The following HACD2 variants were observed in gnomAD, a reference collection of about 807,000 sequenced individuals.
The protein encoded by HACD2 is 3-hydroxyacyl-CoA dehydratase 2, also known as very-long-chain (3R)-3-hydroxyacyl-CoA dehydratase 2.
Under a neutral mutation model 31.0 loss-of-function variants are expected in HACD2, and 15 were observed. That is an observed-to-expected ratio of 0.48 (90% CI 0.32 to 0.75). HACD2 has a LOEUF of 0.75. Among genes scored for constraint, HACD2 ranks in the 30% least tolerant of loss-of-function variants. HACD2 has a pLI of 0.03. For missense variants in HACD2, 283 were observed against 313.0 expected (o/e 0.90, Z 0.72); for synonymous variants, 115 against 122.2 (o/e 0.94, Z 0.39).
intron 4 of HACD2, among the ~76,000 whole-genome samples, chr3:123,525,729 A>G (rs2056275159): frequency 6.6e-6 from 1 of 152,232 alleles, no homozygotes. Flanking sequence ...AATATGATAT[A>G]AAAAGAAACT....
At chr3:123,571,266 C>T (rs1354790436) in intron 2 of HACD2, among the ~76,000 whole-genome samples, 1 of 152,204 alleles carries the variant, frequency 6.6e-6, no homozygotes, top group Non-Finnish European at 1.5e-5. Context: ...GGCGATCCCC[C>T]ACAATTACTG....
intron 3 of HACD2, among the ~76,000 whole-genome samples, chr3:123,530,461 TGCTGTGGG>T (rs1209400935): frequency 1.4e-5 from 2 of 148,068 alleles, no homozygotes; most frequent in Non-Finnish European, 3.0e-5. Flanking sequence ...CAGGCTAGAG[TGCTGTGGG>T]GCGATCTCAG....
intron 1 of HACD2, 27 bp downstream of exon 1, chr3:123,584,846 C>G: frequency 6.8e-7 from 1 of 1,471,694 alleles, no homozygotes. Context: ...CGCGCTGGCT[C>G]CCCGCCTCCC....
At chr3:123,577,343 C>T (rs1193470202) in intron 2 of HACD2, among the ~76,000 whole-genome samples, 5 of 152,126 alleles carry the variant, frequency 3.3e-5, no homozygotes, top group East Asian at 1.9e-4. Flanking sequence ...TGTCTTTGGC[C>T]GGGCGCAGTG....
chr3:123,516,530 G>A (rs994683342), intron 4 of HACD2, among the ~76,000 whole-genome samples: 3 of 152,034 alleles, frequency 2.0e-5, no homozygotes, highest in South Asian at 2.1e-4. Flanking sequence ...CACCATACCC[G>A]GCCAGATTTT....
intron 3 of HACD2, 25 bp from the exon 4 acceptor site, chr3:123,528,499 A>C: frequency 7.6e-7 from 1 of 1,316,852 alleles, no homozygotes; most frequent in Non-Finnish European, 1.1e-6. Flanking sequence ...GGGATGGATA[A>C]ATAAATGTAC....
At chr3:123,512,487 A>T (rs997582) in intron 4 of HACD2, among the ~76,000 whole-genome samples, 30,052 of 152,018 alleles carry the variant, frequency 0.2, 3,341 homozygotes, top group East Asian at 0.36. Flanking sequence ...TGGTGAGGAC[A>T]TGGAAAGGTG....
intron 3 of HACD2, among the ~76,000 whole-genome samples, chr3:123,531,117 C>T (rs1290508074): frequency 6.6e-6 from 1 of 150,656 alleles, no homozygotes; most frequent in African/African-American, 2.4e-5. Flanking sequence ...CTGCCCGCCT[C>T]AGCCTCCCAA....
intron 3 of HACD2, among the ~76,000 whole-genome samples, chr3:123,535,047 T>G (rs531455307): frequency 2.0e-5 from 3 of 152,288 alleles, no homozygotes; most frequent in African/African-American, 7.2e-5. Context: ...ATTTTATAAA[T>G]TTAGTAGCCT....
intron 3 of HACD2, among the ~76,000 whole-genome samples, chr3:123,533,959 T>C (rs1008014886): frequency 6.6e-6 from 1 of 152,186 alleles, no homozygotes; most frequent in Admixed American, 6.5e-5. Context: ...GAAATAGTTA[T>C]GGGAATTTAT....
At chr3:123,512,380 A>C (rs889479504) in intron 4 of HACD2, among the ~76,000 whole-genome samples, 5 of 152,216 alleles carry the variant, frequency 3.3e-5, no homozygotes, top group African/African-American at 1.2e-4. Flanking sequence ...AGACCAGCCC[A>C]ATCATCTCAA....
intron 4 of HACD2, among the ~76,000 whole-genome samples, chr3:123,515,640 G>A (rs2056124860): frequency 1.3e-5 from 2 of 152,030 alleles, no homozygotes; most frequent in African/African-American, 4.8e-5. Context: ...GAACAAAAAT[G>A]TTAAGTCATT....
chr3:123,575,248 T>C (rs1399877898), intron 2 of HACD2, among the ~76,000 whole-genome samples: 1 of 152,104 alleles, frequency 6.6e-6, no homozygotes, highest in Non-Finnish European at 1.5e-5. Context: ...TAGCTAGGAC[T>C]AATATGCGCC....
At chr3:123,550,333 GGA>G (rs2056606933) in intron 3 of HACD2, among the ~76,000 whole-genome samples, 1 of 152,036 alleles carries the variant, frequency 6.6e-6, no homozygotes. Flanking sequence ...GGAATGAGAA[GGA>G]ACCACTAGAG....
chr3:123,491,923 T>C lies in HACD2; in HGVS notation c.*2965A>G, dbSNP rs2055768448. 1 of 152,268 alleles carries C rather than the reference T, an allele frequency of 6.6e-6. No homozygotes were observed. The allele number at this position is 152,268 out of a possible 1,614,324, so 9.4% of individuals were successfully genotyped here. The stretch of plus-strand genomic sequence containing the variant: ...AGAACTGCAAGTAATTTGCAGGTTG[T>C]ACCATATCAATGCCAACCTTTTATT... On this transcript the variant is annotated 3_prime_UTR_variant, in exon 7 of 7. Transcript: ENST00000383657.
intron 1 of HACD2, 30 bp downstream of exon 1, chr3:123,584,843 G>T: frequency 5.5e-6 from 8 of 1,459,954 alleles, no homozygotes; most frequent in Non-Finnish European, 7.3e-6. Context: ...GGCCGCGCTG[G>T]CTCCCCGCCT....
At chr3:123,516,313 C>T (rs2056136235) in intron 4 of HACD2, among the ~76,000 whole-genome samples, 1 of 150,110 alleles carries the variant, frequency 6.7e-6, no homozygotes, top group Non-Finnish European at 1.5e-5. Flanking sequence ...CTGCTCACTG[C>T]AACCTCCGCC....
Position 123,510,944 on chromosome 3 carries a change from T to G in HACD2, c.382-8263A>C, listed in dbSNP as rs201056438. Reference sequence around the variant, plus strand: ...GCTCATTTGCTGTGTTTTTTTTTTTTGTTTTTTTTTGTTTTTTTTTTTAAA... The same window carrying G: ...GCTCATTTGCTGTGTTTTTTTTTTTGGTTTTTTTTTGTTTTTTTTTTTAAA... On this transcript the variant is annotated intron_variant, in intron 4 of 6. Coordinates refer to ENST00000383657, the MANE Select transcript of HACD2 (RefSeq NM_198402.5). Among the ~76,000 whole-genome samples the G allele has an allele frequency of 5.8e-3, 749 of 130,024 alleles. 6 individuals carry two copies. Among genetic ancestry groups the G allele is most frequent in the African/African-American group, 0.015 (504 of 33,672 alleles). The allele number at this position is 130,024 out of a possible 152,430, so 85.3% of individuals were successfully genotyped here.
intron 3 of HACD2, 64 bp downstream of exon 3, chr3:123,567,698 C>A: frequency 1.0e-6 from 1 of 1,000,810 alleles, no homozygotes; most frequent in South Asian, 2.6e-5. Flanking sequence ...TAAAGCCTAT[C>A]ATCTATGACT....
Sources: gnomAD v4.1 joint callset for allele counts (sites outside exome capture counted in the v4.1 genomes callset) on GRCh38, gnomAD v4.1.1 for gene constraint, MANE v1.5 for transcripts, NCBI Gene and HGNC (gene_info 2026-07-23, HGNC 2026-07-21) for gene names.